Variants in PID1 observed in about 807,000 individuals in gnomAD.
PID1 encodes PTB-containing, cubilin and LRP1-interacting protein.
PID1 carries 10 observed loss-of-function variants against 19.1 expected under a neutral mutation model. That is an observed-to-expected ratio of 0.52 (90% CI 0.32 to 0.89). The LOEUF is 0.89. Ranked by LOEUF, PID1 falls within the 40% of genes least tolerant of loss-of-function variation. The pLI is 0.03. For synonymous variants in PID1, 130 were observed against 116.0 expected (o/e 1.12, Z -0.78); for missense variants, 248 against 285.3 (o/e 0.87, Z 0.94).
chr2:229,271,281 G>A lies in PID1; in HGVS notation c.-238C>T, dbSNP rs1038434283. 1 of 295,454 alleles carries A rather than the reference G, an allele frequency of 3.4e-6. No homozygotes were observed. The highest frequency in any genetic ancestry group is 6.9e-5 in the South Asian group (1 of 14,550). The allele number at this position is 295,454 out of a possible 1,614,324, so 18.3% of individuals were successfully genotyped here. ...CGGCTGTCCTGGCGCAGCTGCGAGA[G>A]GACTGCGCAGCTCCGCCCGGGCCCG... On this transcript the variant is annotated 5_prime_UTR_variant, in exon 1 of 3. Coordinates refer to ENST00000392055, the MANE Select transcript of PID1 (RefSeq NM_001100818.2).
chr2:229,059,210 C>T (rs1694162273), intron 2 of PID1, among the ~76,000 whole-genome samples: 1 of 152,102 alleles, frequency 6.6e-6, no homozygotes, highest in South Asian at 2.1e-4. Flanking sequence ...GTGTGTGTGG[C>T]TGAGTTAGTT....
intron 2 of PID1, among the ~76,000 whole-genome samples, chr2:229,137,528 T>A (rs571592040): frequency 2.2e-4 from 34 of 152,316 alleles, no homozygotes; most frequent in African/African-American, 7.9e-4. Flanking sequence ...TCCAATTAGA[T>A]ACTAATGGTT....
chr2:229,147,659 T>A (rs915238008), intron 2 of PID1, among the ~76,000 whole-genome samples: 10 of 152,182 alleles, frequency 6.6e-5, no homozygotes, highest in African/African-American at 2.4e-4. Context: ...TCCATAGTAT[T>A]GCTGAATAAA....
At chr2:229,063,489 C>A (rs535073663) in intron 2 of PID1, among the ~76,000 whole-genome samples, 23 of 152,170 alleles carry the variant, frequency 1.5e-4, no homozygotes, top group African/African-American at 3.4e-4. Context: ...AGAACAGTTA[C>A]CTGATATAAT....
In PID1 at chr2:229,271,108, G is replaced by A; in HGVS notation, c.-65C>T. The A allele has an allele frequency of 1.3e-6, 2 of 1,510,656 alleles. No individual in the cohort carries two copies. The highest frequency in any genetic ancestry group is 1.2e-5 in the South Asian group (1 of 82,132). The allele number at this position is 1,510,656 out of a possible 1,614,324, so 93.6% of individuals were successfully genotyped here. A position where few individuals can be genotyped will look rare whatever the true frequency, so the allele number is the denominator to read the frequency against. ...ACTGTCGATCGCGCCGGGGGGCGAG[G>A]GGCTGGGGTCCCGCTTTACATCTGG... is the stretch of plus-strand genomic sequence containing the variant. On this transcript the variant is annotated 5_prime_UTR_variant, in exon 1 of 3. Transcript: ENST00000392055.
chr2:229,092,562 A>T (rs17675980), intron 2 of PID1, among the ~76,000 whole-genome samples: 2 of 152,130 alleles, frequency 1.3e-5, no homozygotes, highest in Non-Finnish European at 2.9e-5. Context: ...TCACTCAACT[A>T]AACTACTAGG....
intron 2 of PID1, among the ~76,000 whole-genome samples, chr2:229,059,512 C>A (rs1389535631): frequency 6.6e-6 from 1 of 152,168 alleles, no homozygotes; most frequent in Admixed American, 6.5e-5. Context: ...ATCAGAAAAG[C>A]AAACTGACTT....
At chr2:229,030,778 T>C (rs1258585422) in intron 2 of PID1, among the ~76,000 whole-genome samples, 1 of 152,154 alleles carries the variant, frequency 6.6e-6, no homozygotes, top group Non-Finnish European at 1.5e-5. Flanking sequence ...TAAATATGTA[T>C]TACCTATAAA....
intron 2 of PID1, among the ~76,000 whole-genome samples, chr2:229,105,252 C>A (rs1574632056): frequency 6.6e-6 from 1 of 152,192 alleles, no homozygotes; most frequent in Non-Finnish European, 1.5e-5. Context: ...GGTCTCTAAT[C>A]TGATCTGGTC....
intron 2 of PID1, among the ~76,000 whole-genome samples, chr2:229,139,243 T>C (rs116299274): frequency 1.3e-3 from 196 of 152,264 alleles, no homozygotes; most frequent in Non-Finnish European, 2.4e-3. Context: ...GCACTTAACC[T>C]GTCTTTAGCT....
intron 2 of PID1, among the ~76,000 whole-genome samples, chr2:229,126,151 G>A (rs1446805505): frequency 6.6e-6 from 1 of 152,112 alleles, no homozygotes; most frequent in African/African-American, 2.4e-5. Flanking sequence ...AACAGTAAAT[G>A]CCTCTTTAAA....
chr2:229,250,054 A>T (rs1466733586), intron 1 of PID1, among the ~76,000 whole-genome samples: 1 of 152,214 alleles, frequency 6.6e-6, no homozygotes, highest in Non-Finnish European at 1.5e-5. Flanking sequence ...ATAAACACTA[A>T]CTACAGAAAG....
At chr2:229,163,735 T>TAC (rs916692390) in intron 1 of PID1, among the ~76,000 whole-genome samples, 6 of 151,750 alleles carry the variant, frequency 4.0e-5, no homozygotes, top group Non-Finnish European at 5.9e-5. Flanking sequence ...TGACTTGAAA[T>TAC]ACACACACAC....
chr2:229,231,907 CAG>C, intron 1 of PID1: 1 of 1,549,426 alleles, frequency 6.5e-7, no homozygotes, highest in Non-Finnish European at 8.7e-7. Context: ...TAAAAAAAAA[CAG>C]AAATTGATTT....
chr2:229,074,278 C>A (rs1694514212), intron 2 of PID1, among the ~76,000 whole-genome samples: 1 of 151,314 alleles, frequency 6.6e-6, no homozygotes, highest in Non-Finnish European at 1.5e-5. Context: ...GACCTGTCCC[C>A]AAAAATCCAG....
intron 1 of PID1, among the ~76,000 whole-genome samples, chr2:229,218,132 T>G (rs1276320611): frequency 6.6e-6 from 1 of 152,144 alleles, no homozygotes; most frequent in Non-Finnish European, 1.5e-5. Context: ...GTACTAATTC[T>G]TTTTCAATGA....
intron 2 of PID1, among the ~76,000 whole-genome samples, chr2:229,057,203 C>T (rs745430608): frequency 2.6e-5 from 4 of 151,852 alleles, no homozygotes; most frequent in Non-Finnish European, 4.4e-5. Flanking sequence ...TTTGGGAGGC[C>T]GAGGAGGGCA....
chr2:229,129,534 A>T (rs1689678108), intron 2 of PID1, among the ~76,000 whole-genome samples: 3 of 152,074 alleles, frequency 2.0e-5, no homozygotes, highest in African/African-American at 2.4e-5. Context: ...CTTAATTTTC[A>T]TTTCATTGCC....
At chr2:229,230,172 T>G (rs1332539416) in intron 1 of PID1, among the ~76,000 whole-genome samples, 12 of 152,210 alleles carry the variant, frequency 7.9e-5, no homozygotes, top group Admixed American at 5.9e-4. Context: ...AGAGAGTAAT[T>G]GTTTCTAATA....
Sources: allele counts gnomAD v4.1 joint callset (sites outside exome capture counted in the v4.1 genomes callset), GRCh38; gene constraint gnomAD v4.1.1; transcripts MANE v1.5; gene names NCBI Gene and HGNC (gene_info 2026-07-23, HGNC 2026-07-21).